RPSA2: variants seen among roughly 807,000 people sequenced by gnomAD.
RPSA2 encodes the protein small ribosomal subunit protein uS2B.
the RPSA2 span, among the ~76,000 whole-genome samples, chr19:23,779,967 A>G: frequency 6.6e-6 from 1 of 152,206 alleles, no homozygotes; most frequent in African/African-American, 2.4e-5. Context: ...TCAGTGGCCC[A>G]GCATCCAGGT....
At chr19:23,773,713 ATATGTGGATTCAGTT>A in the RPSA2 span, among the ~76,000 whole-genome samples, 1 of 152,210 alleles carries the variant, frequency 6.6e-6, no homozygotes, top group Non-Finnish European at 1.5e-5. Flanking sequence ...ATTGACTCTC[ATATGTGGATTCAGTT>A]TGCAGGTGAG....
chr19:23,786,701 C>G, the RPSA2 span, among the ~76,000 whole-genome samples: 1 of 152,052 alleles, frequency 6.6e-6, no homozygotes, highest in African/African-American at 2.4e-5. Context: ...CCTGCCTGGT[C>G]TCTGCTCACA....
the RPSA2 span, among the ~76,000 whole-genome samples, chr19:23,851,820 A>G: frequency 6.6e-6 from 1 of 152,204 alleles, no homozygotes; most frequent in African/African-American, 2.4e-5. Flanking sequence ...TTATAAAATC[A>G]AACAATTTGT....
At chr19:23,815,373 C>A in the RPSA2 span, among the ~76,000 whole-genome samples, 1 of 77,240 alleles carries the variant, frequency 1.3e-5, no homozygotes, top group Non-Finnish European at 2.9e-5. Context: ...GTCATGGGAG[C>A]AAAGTCTTCA....
At chr19:23,779,779 A>G in the RPSA2 span, among the ~76,000 whole-genome samples, 1,811 of 152,306 alleles carry the variant, frequency 0.012, 40 homozygotes, top group African/African-American at 0.04. Context: ...TGCCTTTTCT[A>G]TCTGCACCCT....
the RPSA2 span, among the ~76,000 whole-genome samples, chr19:23,863,758 A>G: frequency 6.6e-6 from 1 of 152,340 alleles, no homozygotes; most frequent in East Asian, 1.9e-4. Context: ...CATTTACTGT[A>G]AAGATAATAA....
chr19:23,808,752 A>G, the RPSA2 span: 13 of 877,710 alleles, frequency 1.5e-5, no homozygotes, highest in South Asian at 1.6e-4. Context: ...CTGATCACCT[A>G]TCTGGAGCGA....
the RPSA2 span, among the ~76,000 whole-genome samples, chr19:23,853,368 A>C: frequency 1.6e-4 from 1 of 6,374 alleles, no homozygotes; most frequent in East Asian, 0.25. Flanking sequence ...TTTCTTTTTT[A>C]CTAGAAACAC....
the RPSA2 span, among the ~76,000 whole-genome samples, chr19:23,808,263 A>G: frequency 1.1e-5 from 1 of 87,468 alleles, no homozygotes; most frequent in South Asian, 5.0e-4. Flanking sequence ...TTAAGAACCT[A>G]CAAAATTAAT....
the RPSA2 span, among the ~76,000 whole-genome samples, chr19:23,867,244 C>T: frequency 2.6e-5 from 4 of 152,174 alleles, no homozygotes; most frequent in Non-Finnish European, 5.9e-5. Flanking sequence ...AGACTAATCT[C>T]CACATCCCTA....
chr19:23,770,886 TCTA>T, the RPSA2 span, among the ~76,000 whole-genome samples: 6 of 152,108 alleles, frequency 3.9e-5, no homozygotes, highest in East Asian at 1.2e-3. Context: ...GTGATGTGAG[TCTA>T]CTGGTCAATA....
the RPSA2 span, among the ~76,000 whole-genome samples, chr19:23,855,809 C>T: frequency 1.1e-4 from 17 of 152,194 alleles, no homozygotes; most frequent in African/African-American, 3.6e-4. Flanking sequence ...GGGTGAGGAG[C>T]TGCAGTAGAT....
the RPSA2 span, among the ~76,000 whole-genome samples, chr19:23,859,441 C>T: frequency 4.0e-4 from 61 of 151,990 alleles, no homozygotes; most frequent in Middle Eastern, 6.8e-3. Context: ...CCAGCCTGAG[C>T]AACATGGAGA....
the RPSA2 span, chr19:23,827,953 T>C: frequency 3.2e-4 from 294 of 912,096 alleles, no homozygotes; most frequent in African/African-American, 4.1e-3. Flanking sequence ...AATTCCCTAC[T>C]GAAGACTGGA....
At chr19:23,809,152 ATTT>A in the RPSA2 span, 1 of 152,764 alleles carries the variant, frequency 6.5e-6, no homozygotes, top group Admixed American at 6.5e-5. Context: ...ATGTTAAACT[ATTT>A]TTTAAGTTCT....
chr19:23,860,972 G>A, the RPSA2 span, among the ~76,000 whole-genome samples: 34 of 151,950 alleles, frequency 2.2e-4, no homozygotes, highest in Non-Finnish European at 2.8e-4. Flanking sequence ...GGAGACAGAA[G>A]ATCTTCCTCT....
the RPSA2 span, among the ~76,000 whole-genome samples, chr19:23,865,681 C>G: frequency 6.6e-5 from 10 of 152,128 alleles, no homozygotes; most frequent in Non-Finnish European, 1.3e-4. Flanking sequence ...CCTCCAATAA[C>G]AGAAGTAGAA....
chr19:23,861,197 T>A, the RPSA2 span, among the ~76,000 whole-genome samples: 1 of 152,334 alleles, frequency 6.6e-6, no homozygotes, highest in East Asian at 1.9e-4. Flanking sequence ...TGATTTTCTA[T>A]GTTATGTAAA....
the RPSA2 span, among the ~76,000 whole-genome samples, chr19:23,838,448 T>C: frequency 2.2e-4 from 34 of 152,304 alleles, no homozygotes; most frequent in African/African-American, 7.7e-4. Context: ...GCTGGCTTCA[T>C]AGAATGAATT....
Sources: allele counts gnomAD v4.1 joint callset (sites outside exome capture counted in the v4.1 genomes callset), GRCh38; gene constraint gnomAD v4.1.1; transcripts MANE v1.5; gene names NCBI Gene and HGNC (gene_info 2026-07-23, HGNC 2026-07-21).